Variants in DNM2 observed in about 807,000 individuals in gnomAD.
DNM2 encodes dynamin-2.
DNM2 carries 15 observed loss-of-function variants against 99.0 expected under a neutral mutation model. The observed-to-expected ratio is 0.15, with a 90% confidence interval of 0.10 to 0.23. The LOEUF is 0.23. DNM2 is among the 10% of genes least tolerant of loss of function. The probability of loss-of-function intolerance (pLI) is 1.00; values close to 1 mark genes in which losing one functional copy is unlikely to be tolerated. For missense variants in DNM2, 742 were observed against 1,189.4 expected (o/e 0.62, Z 5.53); for synonymous variants, 525 against 481.2 (o/e 1.09, Z -1.19).
Position 10,772,471 on chromosome 19 carries a change from C to G in DNM2, c.236-8C>G, listed in dbSNP as rs143084059. On this transcript the variant is annotated splice_region_variant and splice_polypyrimidine_tract_variant and intron_variant, in intron 2 of 20. Transcript: ENST00000389253. The surrounding 1 kb of genome is among the most constrained non-coding windows in gnomAD (Gnocchi z 4.9). ...TTCTCATTTTCAGCATCTCTCTTCC[C>G]TTTCTAGAACATGCCGAGTTTTTGC... The G allele has an allele frequency of 5.8e-4, 941 of 1,614,016 alleles. 4 individuals carry two copies. In the African/African-American group the frequency reaches 0.011, roughly 19 times the overall value.
chr19:10,762,873 G>T (rs555994232), intron 2 of DNM2, among the ~76,000 whole-genome samples: 157 of 152,272 alleles, frequency 1.0e-3, no homozygotes, highest in Non-Finnish European at 1.9e-3. Context: ...GCAGGAGTAG[G>T]TGCTGGAAGG....
intron 1 of DNM2, among the ~76,000 whole-genome samples, chr19:10,741,798 G>A (rs80197551): frequency 0.1 from 15,673 of 150,838 alleles, 1,248 homozygotes; most frequent in East Asian, 0.37. Context: ...TGATCCACCC[G>A]CCTCTGCCTC....
At chr19:10,823,605 T>C (rs2073052633) in intron 16 of DNM2, 183 bp from the exon 17 acceptor site, 2 of 600,050 alleles carry the variant, frequency 3.3e-6, no homozygotes, top group South Asian at 1.9e-5. Context: ...TTGCCGAGCT[T>C]GTGCACAGCG....
intron 13 of DNM2, among the ~76,000 whole-genome samples, chr19:10,808,186 G>A (rs892218869): frequency 3.3e-5 from 5 of 151,592 alleles, no homozygotes; most frequent in East Asian, 1.9e-4. Flanking sequence ...CATAATCTTC[G>A]CAAAATTTCT....
intron 1 of DNM2, among the ~76,000 whole-genome samples, chr19:10,749,924 C>A (rs1239130379): frequency 2.0e-5 from 3 of 152,286 alleles, no homozygotes; most frequent in Admixed American, 6.5e-5. Flanking sequence ...AGAGGGAACA[C>A]CCCCTGCAAA....
intron 13 of DNM2, 57 bp downstream of exon 13, chr19:10,806,024 G>A (rs2072325034): frequency 6.2e-7 from 1 of 1,608,376 alleles, no homozygotes; most frequent in Admixed American, 1.7e-5. Flanking sequence ...GACGCTAAGT[G>A]ACAGCTAAGC....
rs571081963 is a variant in DNM2 at position 10,788,006 on chromosome 19, AG to A, written c.992+1302del. Among the ~76,000 whole-genome samples the A allele has an allele frequency of 7.8e-3, 1,187 of 151,968 alleles. 13 individuals are homozygous for A. The highest frequency in any genetic ancestry group is 7.3e-3 in the Non-Finnish European group (499 of 67,938). ...CAACATTTTGGGAGGCCGAGGCGGG[AG>A]GATCACTTGAGGTCCGGAGTTCAAG... On this transcript the variant is annotated intron_variant, in intron 7 of 20. Coordinates refer to ENST00000389253, the MANE Select transcript of DNM2 (RefSeq NM_001005361.3).
At chr19:10,725,750 G>A (rs1568263349) in intron 1 of DNM2, among the ~76,000 whole-genome samples, 1 of 152,078 alleles carries the variant, frequency 6.6e-6, no homozygotes, top group Non-Finnish European at 1.5e-5. Flanking sequence ...TCTGGGATCA[G>A]GACTCTGATG....
chr19:10,782,342 T>TTTTTTTTTTTC (rs151289249), intron 5 of DNM2, among the ~76,000 whole-genome samples: 1 of 145,192 alleles, frequency 6.9e-6, no homozygotes, highest in Admixed American at 6.9e-5. Context: ...CCTTGAGATT[T>TTTTTTTTTTTC]TTTTTCTTTT....
intron 1 of DNM2, among the ~76,000 whole-genome samples, chr19:10,741,635 C>T (rs377062710): frequency 3.0e-4 from 45 of 151,602 alleles, no homozygotes; most frequent in African/African-American, 1.0e-3. Context: ...CTGCAAGCTC[C>T]GCCTCCCGGG....
In DNM2 at chr19:10,830,326, A is replaced by G; in HGVS notation, c.2491A>G (p.Ile831Val). Residue 831 changes from isoleucine (I) to valine (V), a missense_variant, in exon 20 of 21, where the codon ATC becomes GTC. Around this residue, in one of 7 missense-constraint regions of DNM2, gnomAD observed 187 missense variants for 218.8 expected, o/e 0.85. Transcript: ENST00000389253. The surrounding 1 kb of genome is among the most constrained non-coding windows in gnomAD (Gnocchi z 4.8). ...NSDLFPAPPQIPSRPVRIPPG... is the reference protein window; with the variant it reads ...NSDLFPAPPQVPSRPVRIPPG... ...TGACCTCTTCCCAGCCCCGCCTCAG[A>G]TCCCATCTCGGCCAGTTCGGATCCC... 1.2e-6 allele frequency: 2 copies of G among 1,613,344 alleles called. No homozygotes were observed. Among genetic ancestry groups the G allele is most frequent in the Non-Finnish European group, 1.7e-6 (2 of 1,179,828 alleles).
intron 1 of DNM2, among the ~76,000 whole-genome samples, chr19:10,739,312 AAT>A (rs1195074277): frequency 2.6e-5 from 4 of 152,246 alleles, no homozygotes; most frequent in Admixed American, 6.5e-5. Context: ...ATCCTTTTGA[AAT>A]ATACTATTCA....
chr19:10,756,382 G>A (rs1253254805), intron 1 of DNM2, among the ~76,000 whole-genome samples: 3 of 152,010 alleles, frequency 2.0e-5, no homozygotes, highest in African/African-American at 7.3e-5. Flanking sequence ...CTCCCCAAGT[G>A]CTCAGGAGCC....
At chr19:10,822,346 T>C (rs58707334) in intron 16 of DNM2, among the ~76,000 whole-genome samples, 44,595 of 146,932 alleles carry the variant, frequency 0.3, 6,778 homozygotes, top group East Asian at 0.58. Flanking sequence ...CACACCACCA[T>C]GCCCAGCTAA....
chr19:10,775,861 G>A lies in DNM2; in HGVS notation c.544G>A (p.Ala182Thr), dbSNP rs865915165. ...LAVTPANMDL[A>T]NSDALKLAKE... ...TGTCACGCCCGCCAACATGGACCTGGCCAACTCCGACGCCCTCAAGCTGGC... is the reference window on the plus strand; with the variant it reads ...TGTCACGCCCGCCAACATGGACCTGACCAACTCCGACGCCCTCAAGCTGGC... Residue 182 changes from alanine to threonine, a missense_variant, in exon 4 of 21, where the codon GCC (alanine) becomes ACC (threonine). Physicochemically the swap from Ala to Thr is moderately conservative, Grantham distance 58. Transcript: ENST00000389253. The surrounding 1 kb of genome is among the most constrained non-coding windows in gnomAD (Gnocchi z 4.3). 2 of 1,613,736 alleles carry A rather than the reference G, an allele frequency of 1.2e-6. No individual in the cohort carries two copies. The highest frequency in any genetic ancestry group is 8.5e-7 in the Non-Finnish European group (1 of 1,180,036).
At position 10,829,074 on chromosome 19, in the gene DNM2, A is replaced by G. The variant is rs572608190; in HGVS notation, c.2097A>G (p.Leu699=). The change falls in exon 19 of 21, where the codon CTA becomes CTG. Residue 699 remains leucine (L), a synonymous_variant. Transcript: ENST00000389253. ...TCCACCACGAGCTGCTGGCCTACCT[A>G]TACTCCTCGGCAGACCAGAGCAGCC... The part of the protein sequence containing the change: ...AFIHHELLAY[L]YSSADQSSLM... 27 of 1,613,820 alleles carry G rather than the reference A, an allele frequency of 1.7e-5. No homozygotes were observed. In the East Asian group the frequency reaches 5.3e-4, roughly 32 times the overall value.
chr19:10,738,329 C>T (rs1034815802), intron 1 of DNM2, among the ~76,000 whole-genome samples: 1 of 152,038 alleles, frequency 6.6e-6, no homozygotes, highest in Non-Finnish European at 1.5e-5. Context: ...TCAAAGGGCA[C>T]GAGGTGGCAG....
rs550035908 is a variant in DNM2 at position 10,818,177 on chromosome 19, G to C, written c.1672-1803G>C. Among the ~76,000 whole-genome samples the C allele has an allele frequency of 6.6e-6, 1 of 150,712 alleles. No individual in the cohort carries two copies. Among genetic ancestry groups the C allele is most frequent in the African/African-American group, 2.5e-5 (1 of 40,732 alleles). ...TCATCACCTTCCCTCCCTTGGGTCC[G>C]CAGCGGCATCCCTCCCTCCATGGCC... On this transcript the variant is annotated intron_variant, in intron 15 of 20. Coordinates refer to ENST00000389253, the MANE Select transcript of DNM2 (RefSeq NM_001005361.3). This position sits in a 1 kb window ranked among gnomAD's most constrained non-coding sequence, Gnocchi z 4.3.
intron 5 of DNM2, 63 bp downstream of exon 5, chr19:10,777,279 C>T: frequency 6.7e-7 from 1 of 1,493,336 alleles, no homozygotes; most frequent in Non-Finnish European, 9.3e-7. Flanking sequence ...TTACTGAAAC[C>T]CCAGCACCTG....
Sources: gnomAD v4.1 joint callset for allele counts (sites outside exome capture counted in the v4.1 genomes callset) on GRCh38, gnomAD v4.1.1 for gene constraint, gnomAD v4.1.1 regional missense constraint, Gnocchi (gnomAD v3.1) non-coding constraint, MANE v1.5 for transcripts, NCBI Gene and HGNC (gene_info 2026-07-23, HGNC 2026-07-21) for gene names.